The following CPVL variants were observed in gnomAD, a reference collection of about 807,000 sequenced individuals.
The protein encoded by CPVL is probable serine carboxypeptidase CPVL.
In CPVL, 51 loss-of-function variants were observed where a neutral mutation model predicts 63.7. The ratio of observed to expected loss-of-function variants is 0.80; its 90% CI spans 0.64 to 1.01. CPVL has a LOEUF of 1.01. Ranked by LOEUF, CPVL falls within the 50% of genes least tolerant of loss-of-function variation. CPVL has a pLI of 0.00. For synonymous variants in CPVL, 195 were observed against 206.0 expected, an observed-to-expected ratio of 0.95 and a Z score of 0.46; for missense variants, 530 against 573.1, an observed-to-expected ratio of 0.92 and a Z score of 0.77.
At chr7:29,159,245 T>TGCAGAAGAGGAAACTGAGC (rs1311838833) in intron 5 of CPVL, among the ~76,000 whole-genome samples, 2 of 152,190 alleles carry the variant, frequency 1.3e-5, no homozygotes, top group African/African-American at 2.4e-5. Context: ...TTCTTCCACT[T>TGCAGAAGAGGAAACTGAGC]GCAGAAGAGG....
At chr7:29,103,303 T>C (rs1461582584) in intron 3 of CPVL, among the ~76,000 whole-genome samples, 4 of 144,946 alleles carry the variant, frequency 2.8e-5, no homozygotes. Flanking sequence ...TGGAGTGCAA[T>C]AGCGTGATCT....
rs187302177 is a variant in CPVL, at chr7:29,127,772, C to T, written c.-10-6701G>A. ...TACCCAGAGGGAAGGAATGTCACACCGAGGCTGAAAGGAATCTGAACAAAT... is the reference window on the plus strand; with the variant it reads ...TACCCAGAGGGAAGGAATGTCACACTGAGGCTGAAAGGAATCTGAACAAAT... On this transcript the variant is annotated intron_variant, in intron 1 of 12. Transcript: ENST00000265394. 6.6e-5 allele frequency among the ~76,000 whole-genome samples: 10 copies of T among 152,206 alleles called. No individual in the cohort carries two copies. In the East Asian group the frequency reaches 1.4e-3, roughly 21 times the overall value.
intron 9 of CPVL, among the ~76,000 whole-genome samples, chr7:29,066,517 C>T (rs1321988290): frequency 6.6e-6 from 1 of 152,130 alleles, no homozygotes; most frequent in Admixed American, 6.5e-5. Flanking sequence ...GAGGACCTCA[C>T]TTAGAAGGTG....
At chr7:29,148,394 A>C (rs760392204), upstream of CPVL, 1 of 152,238 alleles carries the variant, frequency 6.6e-6, no homozygotes, top group Non-Finnish European at 1.5e-5. Context: ...TAGTAACCTC[A>C]AGGCTATAAA....
At chr7:29,185,939 T>C in intron 2 of CPVL, among the ~76,000 whole-genome samples, 1 of 152,168 alleles carries the variant, frequency 6.6e-6, no homozygotes, top group Non-Finnish European at 1.5e-5. Context: ...ATAGGGAAAC[T>C]CGCCCATGTG....
intron 12 of CPVL, among the ~76,000 whole-genome samples, chr7:29,023,183 A>C (rs1176303602): frequency 6.6e-6 from 1 of 152,236 alleles, no homozygotes; most frequent in Admixed American, 6.5e-5. Flanking sequence ...AGCCTGTATT[A>C]GTCTGTTCTC....
chr7:29,129,689 G>C (rs1025706367), intron 1 of CPVL, among the ~76,000 whole-genome samples: 6 of 151,956 alleles, frequency 3.9e-5, no homozygotes, highest in Non-Finnish European at 8.8e-5. Context: ...GGATGGTCTC[G>C]ATCTCCTGAC....
intron 11 of CPVL, among the ~76,000 whole-genome samples, chr7:29,051,819 T>G (rs1296326364): frequency 1.3e-5 from 2 of 151,858 alleles, no homozygotes; most frequent in Admixed American, 1.3e-4. Flanking sequence ...AACTCGCAAC[T>G]GCAAAATCCG....
At chr7:29,119,461 T>C (rs918746610) in intron 2 of CPVL, among the ~76,000 whole-genome samples, 1 of 130,524 alleles carries the variant, frequency 7.7e-6, no homozygotes, top group Admixed American at 9.3e-5. Context: ...CACTCCAGCC[T>C]GGCAACAGAG....
chr7:29,075,843 T>C (rs1461666502), intron 7 of CPVL, among the ~76,000 whole-genome samples: 1 of 152,060 alleles, frequency 6.6e-6, no homozygotes, highest in Non-Finnish European at 1.5e-5. Context: ...ATTCCATTGG[T>C]TGAGTGACTC....
At chr7:29,175,703 C>T (rs1038333376) in intron 5 of CPVL, among the ~76,000 whole-genome samples, 8 of 151,448 alleles carry the variant, frequency 5.3e-5, no homozygotes, top group South Asian at 2.1e-4. Context: ...TGATAGCCAA[C>T]GGGAAGGAGA....
Position 29,064,125 on chromosome 7 carries a change from T to C in CPVL, c.1073A>G (p.Tyr358Cys), listed in dbSNP as rs1039165891. 1.9e-6 allele frequency: 3 copies of C among 1,613,336 alleles called. No individual in the cohort carries two copies. The highest frequency in any genetic ancestry group is 2.5e-6 in the Non-Finnish European group (3 of 1,179,390). ...TFNDGTIVEK[Y>C]LREDTVQSVK... is the part of the protein sequence containing the mutation. ...TGACTGTACTGTATCTTCTCGCAAG[T>C]ACTTTTCAACTATAGTTCCATCATT... Residue 358 changes from tyrosine to cysteine, a missense_variant, in exon 11 of 13, where the codon TAC becomes TGC. Tyr to Cys is a radical substitution (Grantham distance 194, BLOSUM62 -2). Transcript: ENST00000265394.
At chr7:29,191,188 T>A (rs991533592) in intron 1 of CPVL, among the ~76,000 whole-genome samples, 4 of 152,148 alleles carry the variant, frequency 2.6e-5, no homozygotes, top group Non-Finnish European at 5.9e-5. Flanking sequence ...CACCTCAACT[T>A]ACTGAGTCAC....
chr7:29,026,780 G>A (rs1030483126), intron 12 of CPVL, among the ~76,000 whole-genome samples: 1 of 152,056 alleles, frequency 6.6e-6, no homozygotes, highest in Non-Finnish European at 1.5e-5. Flanking sequence ...AGCCTACCAA[G>A]ATTGAACCAG....
chr7:29,088,414 C>G (rs1352451999), intron 6 of CPVL, among the ~76,000 whole-genome samples: 1 of 152,020 alleles, frequency 6.6e-6, no homozygotes, highest in Non-Finnish European at 1.5e-5. Flanking sequence ...AGGAAGTTAT[C>G]ATCGAGTTTC....
At chr7:29,061,622 T>C (rs985512770) in intron 11 of CPVL, among the ~76,000 whole-genome samples, 1 of 152,070 alleles carries the variant, frequency 6.6e-6, no homozygotes, top group Non-Finnish European at 1.5e-5. Flanking sequence ...TACCCTCACA[T>C]GGCTGAGAAA....
chr7:29,051,854 C>A (rs1183263628), intron 11 of CPVL, among the ~76,000 whole-genome samples: 3 of 151,114 alleles, frequency 2.0e-5, no homozygotes, highest in African/African-American at 7.3e-5. Context: ...ACCCAAATGC[C>A]CATCAACCAA....
At chr7:29,148,805 T>C (rs1230951791), upstream of CPVL, 1 of 152,188 alleles carries the variant, frequency 6.6e-6, no homozygotes, top group African/African-American at 2.4e-5. Flanking sequence ...GACACACAGA[T>C]TGATCCCATC....
intron 1 of CPVL, among the ~76,000 whole-genome samples, chr7:29,133,193 CAA>C (rs1333159770): frequency 4.1e-4 from 37 of 90,566 alleles, no homozygotes; most frequent in Admixed American, 5.5e-4. Context: ...TTTCTGAAGG[CAA>C]AAAAAAAAAA....
Sources: gnomAD v4.1 joint callset for allele counts (sites outside exome capture counted in the v4.1 genomes callset) on GRCh38, gnomAD v4.1.1 for gene constraint, MANE v1.5 for transcripts, NCBI Gene and HGNC (gene_info 2026-07-23, HGNC 2026-07-21) for gene names.